ATG7: variants seen among roughly 807,000 people sequenced by gnomAD.
The protein encoded by ATG7 is autophagy related 7.
In ATG7, 70 loss-of-function variants were observed where a neutral mutation model predicts 82.4. The ratio of observed to expected loss-of-function variants is 0.85; its 90% CI spans 0.70 to 1.04. The LOEUF (loss-of-function observed/expected upper bound fraction) is 1.04, where lower values mean the gene tolerates loss of function less well. Ranked by LOEUF, ATG7 falls within the 50% of genes least tolerant of loss-of-function variation. ATG7 has a pLI of 0.00. For missense variants in ATG7, 792 were observed against 864.3 expected (o/e 0.92, Z 1.05); for synonymous variants, 287 against 313.0 (o/e 0.92, Z 0.88).
chr3:11,359,080 A>G (rs1268242369), intron 15 of ATG7, among the ~76,000 whole-genome samples: 2 of 152,170 alleles, frequency 1.3e-5, no homozygotes, highest in Non-Finnish European at 2.9e-5. Flanking sequence ...ACAATATTGT[A>G]TATATTTTAT....
At chr3:11,355,079 G>A (rs985301231) in intron 14 of ATG7, among the ~76,000 whole-genome samples, 1 of 152,186 alleles carries the variant, frequency 6.6e-6, no homozygotes, top group Non-Finnish European at 1.5e-5. Flanking sequence ...GGAGTGCCTC[G>A]GTAGCACCTT....
chr3:11,563,799 C>T, the ATG7 span, among the ~76,000 whole-genome samples: 1 of 152,172 alleles, frequency 6.6e-6, no homozygotes, highest in Non-Finnish European at 1.5e-5. Context: ...ACAGGATTAC[C>T]ATGTCAGGCT....
intron 18 of ATG7, among the ~76,000 whole-genome samples, chr3:11,373,126 G>C (rs2077150416): frequency 1.3e-5 from 2 of 150,914 alleles, no homozygotes; most frequent in African/African-American, 2.4e-5. Flanking sequence ...CAACAAATAG[G>C]AGAACAAGAG....
At chr3:11,334,755 C>T (rs916755732) in intron 11 of ATG7, among the ~76,000 whole-genome samples, 42 of 150,982 alleles carry the variant, frequency 2.8e-4, no homozygotes, top group East Asian at 1.4e-3. Flanking sequence ...GTCAGGAGTT[C>T]GAGATTGGCC....
At chr3:11,347,840 C>A in intron 13 of ATG7, 37 bp from the exon 14 acceptor site, 2 of 1,590,382 alleles carry the variant, frequency 1.3e-6, no homozygotes, top group South Asian at 2.3e-5. Context: ...GTGAAATGTT[C>A]ATCAGAAACA....
At chr3:11,558,475 A>ATTTTTTTT, downstream of ATG7, 1 of 789,786 alleles carries the variant, frequency 1.3e-6, no homozygotes, top group East Asian at 4.3e-5. Context: ...CACCCCCATG[A>ATTTTTTTT]TTTTTTTTTT....
chr3:11,415,907 C>T (rs770893394), intron 19 of ATG7, among the ~76,000 whole-genome samples: 2 of 152,012 alleles, frequency 1.3e-5, no homozygotes, highest in African/African-American at 2.4e-5. Flanking sequence ...TTTTATGCTA[C>T]GGGCAGCACA....
intron 9 of ATG7, among the ~76,000 whole-genome samples, chr3:11,326,054 T>G (rs1950831460): frequency 6.6e-6 from 1 of 152,202 alleles, no homozygotes; most frequent in African/African-American, 2.4e-5. Flanking sequence ...GAAGAAATCC[T>G]TTGAGATGAA....
intron 17 of ATG7, among the ~76,000 whole-genome samples, chr3:11,363,403 C>T (rs943556876): frequency 6.6e-5 from 10 of 152,078 alleles, no homozygotes; most frequent in Non-Finnish European, 1.3e-4. Flanking sequence ...CCACCATGCC[C>T]GGCTGATTTT....
chr3:11,427,491 A>ATT (rs11414511), intron 20 of ATG7, among the ~76,000 whole-genome samples: 6,443 of 143,734 alleles, frequency 0.045, 185 homozygotes, highest in South Asian at 0.14. Flanking sequence ...TCATTGCATC[A>ATT]TTTTTTTTTT....
intron 19 of ATG7, among the ~76,000 whole-genome samples, chr3:11,386,329 G>T (rs1004610645): frequency 6.6e-6 from 1 of 152,096 alleles, no homozygotes; most frequent in African/African-American, 2.4e-5. Flanking sequence ...AAATAACCAC[G>T]ATCCAGCCAT....
intron 14 of ATG7, among the ~76,000 whole-genome samples, chr3:11,356,564 G>A (rs1412317532): frequency 6.6e-6 from 1 of 152,118 alleles, no homozygotes; most frequent in Non-Finnish European, 1.5e-5. Context: ...ATTTATTTAG[G>A]TTAGCAAAGT....
intron 20 of ATG7, among the ~76,000 whole-genome samples, chr3:11,493,403 C>G (rs958552341): frequency 1.3e-5 from 2 of 152,166 alleles, no homozygotes; most frequent in Non-Finnish European, 2.9e-5. Context: ...GGTAGTTTTG[C>G]AAAAGGCAAC....
downstream of ATG7, among the ~76,000 whole-genome samples, chr3:11,559,087 G>A (rs1010184353): frequency 5.3e-5 from 8 of 152,244 alleles, no homozygotes; most frequent in African/African-American, 1.9e-4. Context: ...AATAACAGTA[G>A]CCGCTGCCCT....
At chr3:11,512,559 G>C (rs984620886) in intron 20 of ATG7, among the ~76,000 whole-genome samples, 1 of 152,236 alleles carries the variant, frequency 6.6e-6, no homozygotes, top group Non-Finnish European at 1.5e-5. Flanking sequence ...GCCATGGACC[G>C]TCGCAGTGAG....
At chr3:11,451,766 A>G (rs200833762) in intron 20 of ATG7, among the ~76,000 whole-genome samples, 11 of 116,044 alleles carry the variant, frequency 9.5e-5, no homozygotes, top group East Asian at 2.9e-4. Context: ...TATTACGTGT[A>G]TATATATGTT....
intron 20 of ATG7, among the ~76,000 whole-genome samples, chr3:11,447,092 A>T (rs549952022): frequency 6.6e-6 from 1 of 152,222 alleles, no homozygotes; most frequent in Non-Finnish European, 1.5e-5. Flanking sequence ...AGTCATTTTC[A>T]GTGAAAAACC....
the ATG7 span, among the ~76,000 whole-genome samples, chr3:11,571,317 C>T: frequency 6.6e-6 from 1 of 152,158 alleles, no homozygotes; most frequent in Non-Finnish European, 1.5e-5. Context: ...GGGAATGAAA[C>T]CCGAGTGCGA....
intron 20 of ATG7, among the ~76,000 whole-genome samples, chr3:11,497,340 C>T (rs1413850599): frequency 5.0e-5 from 5 of 99,430 alleles, no homozygotes; most frequent in South Asian, 3.3e-4. Flanking sequence ...AGTGAAACCC[C>T]GTCTGTACTA....
Sources: gnomAD v4.1 joint callset for allele counts (sites outside exome capture counted in the v4.1 genomes callset) on GRCh38, gnomAD v4.1.1 for gene constraint, MANE v1.5 for transcripts, NCBI Gene and HGNC (gene_info 2026-07-23, HGNC 2026-07-21) for gene names.